Variants in CXCL17 observed in about 807,000 individuals in gnomAD.
CXCL17 encodes C-X-C motif chemokine ligand 17.
A neutral mutation model predicts 15.5 loss-of-function variants in CXCL17; 9 were observed. The ratio of observed to expected loss-of-function variants is 0.58; its 90% CI spans 0.35 to 1.01. CXCL17 has a LOEUF of 1.01. Among genes scored for constraint, CXCL17 ranks in the 50% least tolerant of loss-of-function variants. The pLI is 0.02. For missense variants in CXCL17, 133 were observed against 138.2 expected, an observed-to-expected ratio of 0.96 and a Z score of 0.19; for synonymous variants, 52 against 52.3, an observed-to-expected ratio of 0.99 and a Z score of 0.02.
At chr19:42,432,585 A>G (rs1333349899) in intron 3 of CXCL17, among the ~76,000 whole-genome samples, 1 of 152,176 alleles carries the variant, frequency 6.6e-6, no homozygotes, top group African/African-American at 2.4e-5. Flanking sequence ...CCTGGGCAAC[A>G]TGGCAAGACC....
At chr19:42,436,357 C>T (rs2040834344) in intron 1 of CXCL17, among the ~76,000 whole-genome samples, 1 of 152,206 alleles carries the variant, frequency 6.6e-6, no homozygotes, top group Non-Finnish European at 1.5e-5. Context: ...TAGGTCCTGC[C>T]ATTTAAACTT....
At chr19:42,431,674 ATTATTATTATTATTATTT>A (rs1432029120) in intron 3 of CXCL17, among the ~76,000 whole-genome samples, 1 of 148,938 alleles carries the variant, frequency 6.7e-6, no homozygotes, top group Non-Finnish European at 1.5e-5. Context: ...GATTTATCTC[ATTATTATTATTATTATTT>A]TTATTATTAT....
intron 3 of CXCL17, among the ~76,000 whole-genome samples, chr19:42,431,315 GTA>G (rs2147691661): frequency 6.6e-6 from 1 of 152,228 alleles, no homozygotes; most frequent in South Asian, 2.1e-4. Flanking sequence ...CCTTATATAT[GTA>G]TTCTGAATAC....
chr19:42,430,838 T>TTTTTTG (rs916830719), intron 3 of CXCL17, among the ~76,000 whole-genome samples: 3 of 152,142 alleles, frequency 2.0e-5, no homozygotes, highest in African/African-American at 7.2e-5. Context: ...TCTCCCCATT[T>TTTTTTG]TTTTTGTTTT....
Sources: gnomAD v4.1 joint callset for allele counts (sites outside exome capture counted in the v4.1 genomes callset) on GRCh38, gnomAD v4.1.1 for gene constraint, MANE v1.5 for transcripts, NCBI Gene and HGNC (gene_info 2026-07-23, HGNC 2026-07-21) for gene names.